The following STXBP5L variants were observed in gnomAD, a reference collection of about 807,000 sequenced individuals.
STXBP5L encodes the protein syntaxin-binding protein 5-like.
In STXBP5L, 65 loss-of-function variants were observed where a neutral mutation model predicts 144.5. That is an observed-to-expected ratio of 0.45 (90% CI 0.37 to 0.55). STXBP5L has a LOEUF of 0.55. STXBP5L is among the 20% of genes least tolerant of loss of function. The probability of loss-of-function intolerance (pLI) is 0.00; values close to 1 mark genes in which losing one functional copy is unlikely to be tolerated. For missense variants in STXBP5L, 1,298 were observed against 1,405.5 expected, an observed-to-expected ratio of 0.92 and a Z score of 1.22; for synonymous variants, 505 against 469.6, an observed-to-expected ratio of 1.08 and a Z score of -0.97.
intron 20 of STXBP5L, among the ~76,000 whole-genome samples, chr3:121,342,585 G>A (rs904144708): frequency 6.8e-6 from 1 of 146,922 alleles, no homozygotes; most frequent in Admixed American, 7.2e-5. Flanking sequence ...CTATGAGTGA[G>A]AATATGCAGT....
rs374418272 is a variant in STXBP5L at position 121,279,941 on chromosome 3, A to G, written c.2095A>G (p.Lys699Glu). Residue 699 changes from lysine (K) to glutamate (E), a missense_variant, in exon 19 of 27, where the codon AAA becomes GAA. Lys to Glu is a moderately conservative substitution (Grantham distance 56). Transcript: ENST00000471454. ...QRQPRSPRKN[K>E]QFIAGLTELN... ...ACAACCACGGTCTCCTCGAAAAAAC[A>G]AACAGTTCATTGCAGGTAGGAGATA... 58 of 1,612,072 alleles carry G rather than the reference A, an allele frequency of 3.6e-5. No individual in the cohort carries two copies. The highest frequency in any genetic ancestry group is 6.7e-5 in the East Asian group (3 of 44,838).
At chr3:121,050,767 C>A (rs1182223256) in intron 5 of STXBP5L, among the ~76,000 whole-genome samples, 1 of 152,094 alleles carries the variant, frequency 6.6e-6, no homozygotes, top group Admixed American at 6.5e-5. Flanking sequence ...ACTAAATGCT[C>A]CAATTAAAAG....
chr3:121,047,166 C>T lies in STXBP5L; in HGVS notation c.470+1631C>T, dbSNP rs373609612. Among the ~76,000 whole-genome samples, 59 of 151,904 alleles carry T rather than the reference C, an allele frequency of 3.9e-4. 1 individual carries two copies. Among genetic ancestry groups the T allele is most frequent in the African/African-American group, 1.0e-3 (43 of 41,454 alleles). ...TTCCATCCAATTGTATGGTTTTGAG[C>T]GATTTTCTTAGTATTGATTTTTATT... On this transcript the variant is annotated intron_variant, in intron 5 of 26. Transcript: ENST00000471454.
intron 3 of STXBP5L, among the ~76,000 whole-genome samples, chr3:120,997,663 AG>A (rs1282109561): frequency 6.6e-6 from 1 of 152,002 alleles, no homozygotes; most frequent in Non-Finnish European, 1.5e-5. Context: ...AAGCTTTTGT[AG>A]TCTGGATATT....
chr3:121,119,028 A>G (rs186975590), intron 6 of STXBP5L, among the ~76,000 whole-genome samples: 7 of 151,654 alleles, frequency 4.6e-5, no homozygotes, highest in Admixed American at 4.6e-4. Context: ...AGATGAACAG[A>G]TGAAATTGTG....
At chr3:120,956,971 G>T (rs1235959362) in intron 3 of STXBP5L, among the ~76,000 whole-genome samples, 3 of 151,784 alleles carry the variant, frequency 2.0e-5, no homozygotes, top group Non-Finnish European at 4.4e-5. Flanking sequence ...TTACATTTGG[G>T]CCTTTTATCC....
chr3:121,092,828 G>C (rs1456504154), intron 5 of STXBP5L, among the ~76,000 whole-genome samples: 2 of 152,186 alleles, frequency 1.3e-5, no homozygotes, highest in Non-Finnish European at 2.9e-5. Context: ...AGTGGTGAGA[G>C]AGGGCATCCC....
chr3:121,241,521 C>A (rs2049671354), intron 14 of STXBP5L, among the ~76,000 whole-genome samples: 1 of 151,984 alleles, frequency 6.6e-6, no homozygotes, highest in South Asian at 2.1e-4. Flanking sequence ...ATGAGGTACC[C>A]CCAACTTCCC....
chr3:121,413,331 A>G lies in STXBP5L; in HGVS notation c.3114+8A>G. ...ATGTGTGATAATCTACAGGTAGGTC[A>G]GGAGTTACATTTATGAAAAAGACAT... On this transcript the variant is annotated splice_region_variant and intron_variant, in intron 24 of 26. Transcript: ENST00000471454. The G allele has an allele frequency of 6.6e-7, 1 of 1,522,742 alleles. No homozygotes were observed. Among genetic ancestry groups the G allele is most frequent in the Admixed American group, 2.2e-5 (1 of 45,634 alleles). The allele number at this position is 1,522,742 out of a possible 1,614,324, so 94.3% of individuals were successfully genotyped here.
At chr3:121,251,460 A>T (rs184431387) in intron 15 of STXBP5L, among the ~76,000 whole-genome samples, 2 of 152,300 alleles carry the variant, frequency 1.3e-5, no homozygotes, top group African/African-American at 4.8e-5. Context: ...AGGTATTTTG[A>T]TGGAGTTAAC....
chr3:121,110,739 G>A (rs1373988601), intron 5 of STXBP5L, among the ~76,000 whole-genome samples: 2 of 151,992 alleles, frequency 1.3e-5, no homozygotes, highest in Non-Finnish European at 2.9e-5. Flanking sequence ...ATCTTACTGG[G>A]GTTCTCTGGA....
chr3:121,207,810 G>A (rs577516433), intron 10 of STXBP5L, among the ~76,000 whole-genome samples: 10 of 149,400 alleles, frequency 6.7e-5, no homozygotes, highest in Middle Eastern at 3.4e-3. Context: ...TTAGAATGGC[G>A]ATCATTAAAA....
At chr3:121,176,088 G>A (rs2046921123) in intron 9 of STXBP5L, among the ~76,000 whole-genome samples, 1 of 151,962 alleles carries the variant, frequency 6.6e-6, no homozygotes, top group Non-Finnish European at 1.5e-5. Context: ...GATCTGAAAG[G>A]AGAAATAGAC....
intron 19 of STXBP5L, among the ~76,000 whole-genome samples, chr3:121,312,368 CTTTTTTTTTTT>C (rs71619793): frequency 1.7e-5 from 1 of 60,086 alleles, no homozygotes; most frequent in Non-Finnish European, 3.1e-5. Context: ...TAAAGAGCTT[CTTTTTTTTTTT>C]TTTTTTTTTT....
intron 3 of STXBP5L, among the ~76,000 whole-genome samples, chr3:121,008,917 G>A (rs777848142): frequency 1.3e-4 from 19 of 145,720 alleles, no homozygotes; most frequent in Non-Finnish European, 2.3e-4. Flanking sequence ...GTTTCTTACG[G>A]TTTAATATAA....
At chr3:121,050,132 G>A (rs1281219431) in intron 5 of STXBP5L, among the ~76,000 whole-genome samples, 1 of 152,062 alleles carries the variant, frequency 6.6e-6, no homozygotes, top group Non-Finnish European at 1.5e-5. Context: ...GTTTCCACCT[G>A]GATGTTCTGG....
At chr3:121,113,949 G>A (rs2044122834) in intron 5 of STXBP5L, among the ~76,000 whole-genome samples, 1 of 151,946 alleles carries the variant, frequency 6.6e-6, no homozygotes. Context: ...TTGGATTACA[G>A]GCATGAGCCA....
intron 20 of STXBP5L, among the ~76,000 whole-genome samples, chr3:121,366,193 T>G (rs1469703100): frequency 1.7e-4 from 26 of 151,984 alleles, no homozygotes; most frequent in Admixed American, 1.7e-3. Context: ...TGGCCTATCC[T>G]GGAGGATGTC....
intron 20 of STXBP5L, among the ~76,000 whole-genome samples, chr3:121,365,617 G>T (rs1165416108): frequency 6.6e-6 from 1 of 151,508 alleles, no homozygotes; most frequent in Non-Finnish European, 1.5e-5. Context: ...CAGCAATAAT[G>T]TCCCCATTTT....
Sources: allele counts gnomAD v4.1 joint callset (sites outside exome capture counted in the v4.1 genomes callset), GRCh38; gene constraint gnomAD v4.1.1; transcripts MANE v1.5; gene names NCBI Gene and HGNC (gene_info 2026-07-23, HGNC 2026-07-21).